CSMD3: variants seen among roughly 807,000 people sequenced by gnomAD.
CSMD3 encodes CUB and sushi domain-containing protein 3.
Under a neutral mutation model 435.2 loss-of-function variants are expected in CSMD3, and 177 were observed. The ratio of observed to expected loss-of-function variants is 0.41; its 90% CI spans 0.36 to 0.46. CSMD3 has a LOEUF of 0.46. Ranked by LOEUF, CSMD3 falls within the 20% of genes least tolerant of loss-of-function variation. The pLI is 0.34. For missense variants in CSMD3, 4,265 were observed against 4,504.6 expected (o/e 0.95, Z 1.52); for synonymous variants, 1,656 against 1,520.5 (o/e 1.09, Z -2.07).
At chr8:113,244,614 T>C (rs1303429220) in intron 3 of CSMD3, among the ~76,000 whole-genome samples, 1 of 152,034 alleles carries the variant, frequency 6.6e-6, no homozygotes, top group Admixed American at 6.6e-5. Context: ...GCGCCTGGCC[T>C]ACATTAATTT....
intron 13 of CSMD3, among the ~76,000 whole-genome samples, chr8:112,717,020 A>G (rs896392715): frequency 1.3e-5 from 2 of 152,320 alleles, no homozygotes; most frequent in Admixed American, 1.3e-4. Flanking sequence ...TAAAGATTTC[A>G]TGATGAAAAT....
chr8:113,319,097 A>G (rs1391229253), intron 1 of CSMD3, among the ~76,000 whole-genome samples: 1 of 151,910 alleles, frequency 6.6e-6, no homozygotes, highest in Non-Finnish European at 1.5e-5. Flanking sequence ...TAGTGGTTCT[A>G]TGAATATAAT....
chr8:112,439,864 C>T (rs1347432064), intron 32 of CSMD3, among the ~76,000 whole-genome samples: 1 of 51,686 alleles, frequency 1.9e-5, no homozygotes, highest in South Asian at 6.8e-4. Context: ...CCACTAGGTC[C>T]CCCCCCGCCA....
intron 22 of CSMD3, among the ~76,000 whole-genome samples, chr8:112,616,042 C>T (rs921811769): frequency 4.6e-5 from 7 of 152,122 alleles, no homozygotes; most frequent in South Asian, 4.1e-4. Context: ...TCATTAACTA[C>T]AGGCACAACT....
intron 3 of CSMD3, among the ~76,000 whole-genome samples, chr8:113,252,076 G>A (rs1336111280): frequency 6.6e-6 from 1 of 151,904 alleles, no homozygotes; most frequent in Non-Finnish European, 1.5e-5. Flanking sequence ...TTATACTTGA[G>A]AGAAAAATTT....
At chr8:112,497,720 G>A (rs1317249811) in intron 30 of CSMD3, among the ~76,000 whole-genome samples, 1 of 151,774 alleles carries the variant, frequency 6.6e-6, no homozygotes, top group Non-Finnish European at 1.5e-5. Flanking sequence ...TGAGATGTTT[G>A]TTTTACAATG....
intron 2 of CSMD3, among the ~76,000 whole-genome samples, chr8:113,298,335 A>G (rs938162898): frequency 6.6e-6 from 1 of 152,078 alleles, no homozygotes; most frequent in Non-Finnish European, 1.5e-5. Flanking sequence ...TTTCTAAAAT[A>G]ACAAGACATT....
In CSMD3 at chr8:113,399,106, T is replaced by TATATATATATATATAC. The variant is rs773585004; in HGVS notation, c.178+37570_178+37571insGTATATATATATATAT. On this transcript the variant is annotated intron_variant, in intron 1 of 70. Transcript: ENST00000297405. ...ATATATATATATATATATATATATA[T>TATATATATATATATAC]ACACACACACACACACACTATATAT... is the stretch of plus-strand genomic sequence containing the variant. Among the ~76,000 whole-genome samples the TATATATATATATATAC allele has an allele frequency of 6.7e-4, 64 of 95,048 alleles. 1 individual carries two copies. Among genetic ancestry groups the TATATATATATATATAC allele is most frequent in the African/African-American group, 1.9e-3 (43 of 22,132 alleles). The allele number at this position is 95,048 out of a possible 152,430, so 62.4% of individuals were successfully genotyped here. A position where few individuals can be genotyped will look rare whatever the true frequency, so the allele number is the denominator to read the frequency against.
intron 24 of CSMD3, among the ~76,000 whole-genome samples, chr8:112,571,948 G>A (rs1350827828): frequency 2.0e-5 from 3 of 150,038 alleles, no homozygotes; most frequent in Non-Finnish European, 4.4e-5. Flanking sequence ...AAACCATTAC[G>A]TAAACATTGT....
intron 22 of CSMD3, among the ~76,000 whole-genome samples, chr8:112,601,904 T>C (rs190926299): frequency 1.3e-5 from 2 of 152,256 alleles, no homozygotes; most frequent in East Asian, 3.9e-4. Context: ...ACCATAGGTA[T>C]TAGGGATGTT....
At chr8:112,322,397 TTC>T (rs1257237757) in intron 45 of CSMD3, among the ~76,000 whole-genome samples, 1 of 152,088 alleles carries the variant, frequency 6.6e-6, no homozygotes, top group Non-Finnish European at 1.5e-5. Flanking sequence ...TAATGTCTTA[TTC>T]TCTGTTCTTT....
At chr8:113,387,529 A>T (rs1263654595) in intron 1 of CSMD3, among the ~76,000 whole-genome samples, 1 of 151,814 alleles carries the variant, frequency 6.6e-6, no homozygotes, top group African/African-American at 2.4e-5. Flanking sequence ...GAAGAACAGA[A>T]ACAAGGGGAC....
At chr8:112,370,579 C>G (rs1828294208) in intron 38 of CSMD3, among the ~76,000 whole-genome samples, 1 of 152,082 alleles carries the variant, frequency 6.6e-6, no homozygotes, top group Admixed American at 6.6e-5. Context: ...TAGCTGTTCC[C>G]TAAAGCAGTA....
intron 13 of CSMD3, among the ~76,000 whole-genome samples, chr8:112,709,775 CA>C (rs2131912368): frequency 6.6e-6 from 1 of 151,998 alleles, no homozygotes; most frequent in South Asian, 2.1e-4. Flanking sequence ...AGTGTAAGGG[CA>C]AGCACAAAAC....
chr8:113,063,850 A>T (rs1322070865), intron 5 of CSMD3, among the ~76,000 whole-genome samples: 2 of 151,848 alleles, frequency 1.3e-5, no homozygotes, highest in Non-Finnish European at 3.0e-5. Flanking sequence ...ATTCACAATG[A>T]ATTCAAATAT....
chr8:112,872,386 G>T (rs752691535), intron 10 of CSMD3, among the ~76,000 whole-genome samples: 2 of 151,944 alleles, frequency 1.3e-5, no homozygotes, highest in Admixed American at 1.3e-4. Context: ...AAATGCACCC[G>T]AAGTAGGGAA....
At chr8:113,214,556 G>T (rs536626734) in intron 3 of CSMD3, among the ~76,000 whole-genome samples, 2 of 151,984 alleles carry the variant, frequency 1.3e-5, no homozygotes, top group South Asian at 2.1e-4. Flanking sequence ...CAAGAAAACA[G>T]TTCTAGGAAG....
At chr8:112,899,238 G>A (rs1187462433) in intron 10 of CSMD3, among the ~76,000 whole-genome samples, 1 of 150,816 alleles carries the variant, frequency 6.6e-6, no homozygotes, top group African/African-American at 2.4e-5. Context: ...AGACTATGCA[G>A]AAACTAATAG....
chr8:112,934,279 T>C (rs1023097298), intron 9 of CSMD3, among the ~76,000 whole-genome samples: 15 of 152,264 alleles, frequency 9.9e-5, no homozygotes, highest in Admixed American at 5.9e-4. Flanking sequence ...AAAATAACAG[T>C]ACCAGCATCT....
Sources: allele counts gnomAD v4.1 joint callset (sites outside exome capture counted in the v4.1 genomes callset), GRCh38; gene constraint gnomAD v4.1.1; transcripts MANE v1.5; gene names NCBI Gene and HGNC (gene_info 2026-07-23, HGNC 2026-07-21).